The following THSD4 variants were observed in gnomAD, a reference collection of about 807,000 sequenced individuals.
THSD4 encodes thrombospondin type-1 domain-containing protein 4.
A neutral mutation model predicts 119.0 loss-of-function variants in THSD4; 69 were observed. That is an observed-to-expected ratio of 0.58 (90% CI 0.48 to 0.71). The LOEUF (loss-of-function observed/expected upper bound fraction) is 0.71, where lower values mean the gene tolerates loss of function less well. Among genes scored for constraint, THSD4 ranks in the 30% least tolerant of loss-of-function variants. The pLI is 0.00. For missense variants in THSD4, 1,393 were observed against 1,391.1 expected (o/e 1.00, Z -0.02); for synonymous variants, 524 against 540.4 (o/e 0.97, Z 0.42).
chr15:71,333,066 C>A (rs2045447437), intron 6 of THSD4, among the ~76,000 whole-genome samples: 1 of 151,550 alleles, frequency 6.6e-6, no homozygotes, highest in Non-Finnish European at 1.5e-5. Flanking sequence ...CCTTTTAGGC[C>A]TCCCTAATAG....
intron 7 of THSD4, among the ~76,000 whole-genome samples, chr15:71,471,093 C>T (rs1270141796): frequency 1.3e-5 from 2 of 152,188 alleles, no homozygotes; most frequent in African/African-American, 4.8e-5. Context: ...ACCCCTTGGC[C>T]TTGATGCCTG....
intron 11 of THSD4, among the ~76,000 whole-genome samples, chr15:71,743,973 G>C (rs2053284399): frequency 6.6e-6 from 1 of 152,172 alleles, no homozygotes; most frequent in South Asian, 2.1e-4. Context: ...GTTCTTCCCG[G>C]CAGGAGTTGT....
At chr15:71,362,970 TAAA>T (rs11287381) in intron 6 of THSD4, among the ~76,000 whole-genome samples, 26,324 of 134,978 alleles carry the variant, frequency 0.2, 2,851 homozygotes, top group East Asian at 0.51. Context: ...GCTGATGAGC[TAAA>T]AAAAAAAAAA....
chr15:71,452,857 T>C (rs889560223), intron 7 of THSD4, among the ~76,000 whole-genome samples: 3 of 152,192 alleles, frequency 2.0e-5, no homozygotes, highest in Admixed American at 6.5e-5. Context: ...TCAGGTGATC[T>C]GCCTGCCTTG....
chr15:71,637,874 C>T (rs145545623), intron 7 of THSD4, among the ~76,000 whole-genome samples: 204 of 151,826 alleles, frequency 1.3e-3, no homozygotes, highest in African/African-American at 4.6e-3. Context: ...TACAGGCACC[C>T]GCCACCACAC....
intron 8 of THSD4, among the ~76,000 whole-genome samples, chr15:71,708,589 G>A (rs2052440817): frequency 6.6e-6 from 1 of 152,184 alleles, no homozygotes; most frequent in Non-Finnish European, 1.5e-5. Context: ...GCAAAGCCAT[G>A]TCAGGAACCA....
At chr15:71,138,652 C>T (rs2040572652) in intron 1 of THSD4, among the ~76,000 whole-genome samples, 4 of 152,044 alleles carry the variant, frequency 2.6e-5, no homozygotes, top group Admixed American at 2.0e-4. Context: ...ATGCTTCCCT[C>T]CCCCCTCCAC....
At chr15:71,145,861 A>AAGG (rs2040655736) in intron 2 of THSD4, among the ~76,000 whole-genome samples, 1 of 151,062 alleles carries the variant, frequency 6.6e-6, no homozygotes, top group Non-Finnish European at 1.5e-5. Context: ...AGGGAAGGAG[A>AAGG]AGGAGGAGGA....
intron 8 of THSD4, among the ~76,000 whole-genome samples, chr15:71,693,809 G>A (rs1159917523): frequency 1.3e-5 from 2 of 151,978 alleles, no homozygotes; most frequent in Admixed American, 6.6e-5. Context: ...CTACTCTCTC[G>A]CCTGCCACCA....
intron 3 of THSD4, among the ~76,000 whole-genome samples, chr15:71,155,258 T>C (rs570278463): frequency 6.6e-6 from 1 of 152,256 alleles, no homozygotes; most frequent in Admixed American, 6.5e-5. Flanking sequence ...GCACTTCACA[T>C]GGCTGGAGAA....
intron 7 of THSD4, among the ~76,000 whole-genome samples, chr15:71,419,214 CT>C (rs111242561): frequency 0.96 from 91,203 of 94,964 alleles, 44,822 homozygotes; most frequent in East Asian, 1. Flanking sequence ...TTTTCTTTTT[CT>C]TTTTTTTTAG....
At chr15:71,526,072 C>T (rs936503113) in intron 7 of THSD4, among the ~76,000 whole-genome samples, 4 of 152,212 alleles carry the variant, frequency 2.6e-5, no homozygotes, top group Non-Finnish European at 5.9e-5. Flanking sequence ...ACTGACCCAT[C>T]ACTATTTCAT....
intron 6 of THSD4, among the ~76,000 whole-genome samples, chr15:71,287,881 A>G (rs2044737914): frequency 1.3e-5 from 2 of 152,204 alleles, no homozygotes; most frequent in Non-Finnish European, 2.9e-5. Context: ...TAACTCTTCC[A>G]TGTTTAAAAA....
intron 7 of THSD4, among the ~76,000 whole-genome samples, chr15:71,471,088 T>C (rs1157659336): frequency 6.6e-6 from 1 of 152,234 alleles, no homozygotes; most frequent in African/African-American, 2.4e-5. Flanking sequence ...GGATAACCCC[T>C]TGGCCTTGAT....
intron 7 of THSD4, among the ~76,000 whole-genome samples, chr15:71,518,499 G>A (rs576317922): frequency 2.6e-5 from 4 of 152,248 alleles, no homozygotes; most frequent in African/African-American, 7.2e-5. Flanking sequence ...AGAGATCCAA[G>A]TTTAAGTGAC....
chr15:71,487,987 T>C (rs2047848954), intron 7 of THSD4, among the ~76,000 whole-genome samples: 1 of 152,186 alleles, frequency 6.6e-6, no homozygotes, highest in Non-Finnish European at 1.5e-5. Flanking sequence ...CCTCATCAAA[T>C]TTTTTACACA....
At chr15:71,456,159 A>G (rs1473820527) in intron 7 of THSD4, among the ~76,000 whole-genome samples, 1 of 152,176 alleles carries the variant, frequency 6.6e-6, no homozygotes, top group African/African-American at 2.4e-5. Context: ...TTACTTTTGG[A>G]TTACTTAAAT....
intron 8 of THSD4, among the ~76,000 whole-genome samples, chr15:71,688,570 A>C (rs976499628): frequency 6.6e-6 from 1 of 152,238 alleles, no homozygotes; most frequent in Admixed American, 6.5e-5. Context: ...CAAAAATAAT[A>C]GATGAAAAAG....
At chr15:71,469,033 T>C (rs1211166233) in intron 7 of THSD4, among the ~76,000 whole-genome samples, 1 of 152,210 alleles carries the variant, frequency 6.6e-6, no homozygotes, top group African/African-American at 2.4e-5. Flanking sequence ...AGAATAAATA[T>C]TGGAAGACAA....
Sources: gnomAD v4.1 joint callset for allele counts (sites outside exome capture counted in the v4.1 genomes callset) on GRCh38, gnomAD v4.1.1 for gene constraint, MANE v1.5 for transcripts, NCBI Gene and HGNC (gene_info 2026-07-23, HGNC 2026-07-21) for gene names.